Variants in MEGF9 observed in about 807,000 individuals in gnomAD.
MEGF9 encodes multiple epidermal growth factor-like domains protein 9.
A neutral mutation model predicts 46.8 loss-of-function variants in MEGF9; 6 were observed. That is an observed-to-expected ratio of 0.13 (90% CI 0.07 to 0.25). The LOEUF (loss-of-function observed/expected upper bound fraction) is 0.25. MEGF9 is among the 10% of genes least tolerant of loss of function. The pLI, the probability that MEGF9 is intolerant of heterozygous loss-of-function variation, is 1.00. For synonymous variants in MEGF9, 302 were observed against 330.7 expected (o/e 0.91, Z 0.94); for missense variants, 683 against 792.4 (o/e 0.86, Z 1.66).
chr9:120,617,263 C>A (rs1014723714), intron 3 of MEGF9, among the ~76,000 whole-genome samples: 1 of 152,130 alleles, frequency 6.6e-6, no homozygotes, highest in Non-Finnish European at 1.5e-5. Flanking sequence ...TCCTTTCCAG[C>A]CAAATTCAGG....
chr9:120,672,581 A>G (rs1369944636), intron 1 of MEGF9, among the ~76,000 whole-genome samples: 1 of 152,158 alleles, frequency 6.6e-6, no homozygotes, highest in Non-Finnish European at 1.5e-5. Context: ...TGATCACACC[A>G]CTCTACTCCA....
At chr9:120,618,597 T>A (rs1378351040) in intron 3 of MEGF9, among the ~76,000 whole-genome samples, 1 of 152,034 alleles carries the variant, frequency 6.6e-6, no homozygotes, top group African/African-American at 2.4e-5. Flanking sequence ...TCCTAGGAAA[T>A]CTCTCATTAA....
chr9:120,705,593 T>C (rs944832920), intron 1 of MEGF9, among the ~76,000 whole-genome samples: 1 of 151,538 alleles, frequency 6.6e-6, no homozygotes, highest in Admixed American at 6.6e-5. Flanking sequence ...TTTCTGACCA[T>C]AATTATCTGT....
intron 1 of MEGF9, among the ~76,000 whole-genome samples, chr9:120,663,280 T>C (rs1343894506): frequency 6.6e-6 from 1 of 152,188 alleles, no homozygotes; most frequent in Admixed American, 6.5e-5. Context: ...TGACCTTAAA[T>C]GAAATGATGC....
At chr9:120,638,534 G>C (rs2043588897) in intron 2 of MEGF9, among the ~76,000 whole-genome samples, 1 of 152,214 alleles carries the variant, frequency 6.6e-6, no homozygotes, top group Admixed American at 6.5e-5. Flanking sequence ...AGAGTAGTCA[G>C]TAGGCAATAT....
chr9:120,608,120 A>T, intron 4 of MEGF9, 110 bp from the exon 5 acceptor site: 1 of 1,253,366 alleles, frequency 8.0e-7, no homozygotes, highest in Non-Finnish European at 1.1e-6. Context: ...TTTGGAGGCC[A>T]AGGTGGAAGG....
intron 1 of MEGF9, among the ~76,000 whole-genome samples, chr9:120,668,660 G>C (rs2043736024): frequency 6.6e-6 from 1 of 152,140 alleles, no homozygotes; most frequent in South Asian, 2.1e-4. Flanking sequence ...GGTTGTAAAG[G>C]CTAGTTTTTA....
intron 2 of MEGF9, among the ~76,000 whole-genome samples, chr9:120,640,426 A>G (rs1057025034): frequency 3.3e-5 from 5 of 151,670 alleles, no homozygotes; most frequent in African/African-American, 1.2e-4. Context: ...ATATACCATA[A>G]ATTTTATTTT....
At chr9:120,625,357 G>A (rs961752366) in intron 2 of MEGF9, among the ~76,000 whole-genome samples, 1 of 152,150 alleles carries the variant, frequency 6.6e-6, no homozygotes, top group Admixed American at 6.5e-5. Flanking sequence ...AGGGATTAGG[G>A]TTTTTAAGGA....
chr9:120,644,050 A>G (rs1412086648), intron 2 of MEGF9, among the ~76,000 whole-genome samples: 2 of 152,192 alleles, frequency 1.3e-5, no homozygotes, highest in African/African-American at 4.8e-5. Flanking sequence ...GGACATATTT[A>G]TCAAAAAGGA....
intron 1 of MEGF9, among the ~76,000 whole-genome samples, chr9:120,660,208 T>C (rs1213973822): frequency 6.6e-6 from 1 of 152,140 alleles, no homozygotes; most frequent in Non-Finnish European, 1.5e-5. Flanking sequence ...TTGTTGTTTG[T>C]TTGTTGGTTT....
At chr9:120,660,240 G>T (rs923490740) in intron 1 of MEGF9, among the ~76,000 whole-genome samples, 1 of 152,016 alleles carries the variant, frequency 6.6e-6, no homozygotes, top group Admixed American at 6.6e-5. Flanking sequence ...CTTTTCGAAA[G>T]AAATACTTTA....
chr9:120,657,873 T>C (rs764888766), intron 2 of MEGF9, among the ~76,000 whole-genome samples: 2 of 152,216 alleles, frequency 1.3e-5, no homozygotes, highest in African/African-American at 4.8e-5. Flanking sequence ...TAGTAACCTA[T>C]ATATAAGGAG....
intron 2 of MEGF9, among the ~76,000 whole-genome samples, chr9:120,625,427 T>TG (rs147694391): frequency 0.015 from 2,332 of 152,070 alleles, 60 homozygotes; most frequent in African/African-American, 0.053. Context: ...AGGCAGGAAA[T>TG]GACATCACAG....
At chr9:120,609,134 C>G (rs1245035201) in intron 4 of MEGF9, among the ~76,000 whole-genome samples, 1 of 152,082 alleles carries the variant, frequency 6.6e-6, no homozygotes, top group East Asian at 1.9e-4. Flanking sequence ...ATAATCTGAC[C>G]TCTGCCTACT....
At chr9:120,650,860 C>T (rs1195663643) in intron 2 of MEGF9, among the ~76,000 whole-genome samples, 1 of 151,888 alleles carries the variant, frequency 6.6e-6, no homozygotes, top group Admixed American at 6.6e-5. Context: ...ATCTCTCTGC[C>T]ACTCTAAATC....
chr9:120,612,842 C>T (rs971377723), intron 3 of MEGF9, among the ~76,000 whole-genome samples: 7 of 151,558 alleles, frequency 4.6e-5, no homozygotes, highest in African/African-American at 1.7e-4. Flanking sequence ...CAAAAACAAT[C>T]CAAATACATA....
chr9:120,621,725 T>C (rs1286375951), intron 3 of MEGF9, among the ~76,000 whole-genome samples: 3 of 152,200 alleles, frequency 2.0e-5, no homozygotes, highest in Admixed American at 6.5e-5. Flanking sequence ...GTATTTTTTA[T>C]TGTATGCCGG....
At chr9:120,681,839 T>C (rs1246467014) in intron 1 of MEGF9, among the ~76,000 whole-genome samples, 5 of 152,202 alleles carry the variant, frequency 3.3e-5, no homozygotes, top group African/African-American at 7.2e-5. Context: ...TTTGAATAAC[T>C]TGAAATCCAG....
Sources: allele counts gnomAD v4.1 joint callset (sites outside exome capture counted in the v4.1 genomes callset), GRCh38; gene constraint gnomAD v4.1.1; transcripts MANE v1.5; gene names NCBI Gene and HGNC (gene_info 2026-07-23, HGNC 2026-07-21).